The following PCDHAC1 variants were observed in gnomAD, a reference collection of about 807,000 sequenced individuals.
PCDHAC1 encodes protocadherin alpha subfamily C, 1.
PCDHAC1 carries 42 observed loss-of-function variants against 60.0 expected under a neutral mutation model. That is an observed-to-expected ratio of 0.70 (90% CI 0.55 to 0.90). The LOEUF (loss-of-function observed/expected upper bound fraction) is 0.90. Ranked by LOEUF, PCDHAC1 falls within the 40% of genes least tolerant of loss-of-function variation. The pLI, the probability that PCDHAC1 is intolerant of heterozygous loss-of-function variation, is 0.00. For synonymous variants in PCDHAC1, 468 were observed against 499.3 expected (o/e 0.94, Z 0.84); for missense variants, 1,160 against 1,222.3 (o/e 0.95, Z 0.76).
chr5:140,981,726 T>C (rs1554243283), intron 2 of PCDHAC1, among the ~76,000 whole-genome samples: 1 of 151,710 alleles, frequency 6.6e-6, no homozygotes, highest in Non-Finnish European at 1.5e-5. Context: ...CCAACAAATA[T>C]TTGAGAGATT....
At chr5:140,981,859 C>A (rs2096954450) in intron 2 of PCDHAC1, among the ~76,000 whole-genome samples, 1 of 152,118 alleles carries the variant, frequency 6.6e-6, no homozygotes, top group African/African-American at 2.4e-5. Flanking sequence ...TCACTCCCAG[C>A]AATGTTTTAT....
At position 141,009,698 on chromosome 5, in the gene PCDHAC1, G is replaced by A. The variant is rs900919931; in HGVS notation, c.2653G>A (p.Gly885Arg). The part of the protein sequence containing the change: ...VNSNSWTFKY[G>R]PGNPKQSGPG... Reference sequence around the variant, plus strand: ...CAGCAACAGCTGGACCTTTAAATACGGACCAGGCAACCCCAAACAATCCGG... The same window carrying A: ...CAGCAACAGCTGGACCTTTAAATACAGACCAGGCAACCCCAAACAATCCGG... The change falls in exon 4 of 4, where the codon GGA (glycine) becomes AGA (arginine). Residue 885 changes from glycine (G) to arginine (R), a missense_variant. Physicochemically the swap from Gly to Arg is moderately radical, Grantham distance 125. Transcript: ENST00000253807. The A allele has an allele frequency of 1.9e-6, 3 of 1,614,030 alleles. No homozygotes were observed. The highest frequency in any genetic ancestry group is 1.1e-5 in the South Asian group (1 of 91,066).
At chr5:140,961,113 C>T (rs2095591220) in intron 1 of PCDHAC1, among the ~76,000 whole-genome samples, 1 of 152,190 alleles carries the variant, frequency 6.6e-6, no homozygotes, top group Non-Finnish European at 1.5e-5. Context: ...AACCCCCTTG[C>T]ATCTTAATGT....
At chr5:140,998,211 T>C (rs2097801578) in intron 3 of PCDHAC1, among the ~76,000 whole-genome samples, 1 of 152,226 alleles carries the variant, frequency 6.6e-6, no homozygotes. Context: ...TTAATCTGTA[T>C]AACCACACCC....
chr5:140,937,869 G>C (rs1268422806), intron 1 of PCDHAC1, among the ~76,000 whole-genome samples: 1 of 150,376 alleles, frequency 6.6e-6, no homozygotes, highest in South Asian at 2.1e-4. Context: ...CCGAGATCGC[G>C]CCACTGCACT....
chr5:140,975,139 C>G (rs2096655397), intron 1 of PCDHAC1, among the ~76,000 whole-genome samples: 1 of 152,154 alleles, frequency 6.6e-6, no homozygotes, highest in Non-Finnish European at 1.5e-5. Flanking sequence ...GGCCTGGGGT[C>G]ACTCTCAGTT....
chr5:140,942,840 T>C (rs75984395), intron 1 of PCDHAC1, among the ~76,000 whole-genome samples: 6,117 of 152,206 alleles, frequency 0.04, 136 homozygotes, highest in Non-Finnish European at 0.052. Context: ...CAATAAAAAT[T>C]CCAGTAAGAT....
At chr5:140,949,222 G>T (rs1472220330) in intron 1 of PCDHAC1, among the ~76,000 whole-genome samples, 1 of 151,662 alleles carries the variant, frequency 6.6e-6, no homozygotes, top group Non-Finnish European at 1.5e-5. Flanking sequence ...GTTTAGACTT[G>T]TTCTGTGGCC....
intron 2 of PCDHAC1, among the ~76,000 whole-genome samples, chr5:140,981,575 A>G (rs2096938835): frequency 1.3e-5 from 2 of 152,152 alleles, no homozygotes; most frequent in African/African-American, 4.8e-5. Flanking sequence ...CTTTGTCTCA[A>G]AAATAAATAA....
intron 1 of PCDHAC1, among the ~76,000 whole-genome samples, chr5:140,960,351 T>C (rs1268803425): frequency 3.3e-5 from 5 of 152,192 alleles, no homozygotes; most frequent in African/African-American, 7.2e-5. Flanking sequence ...AGATATGTAC[T>C]GAAATAATAT....
chr5:140,991,707 A>G (rs1436655429), intron 3 of PCDHAC1, among the ~76,000 whole-genome samples: 1 of 152,158 alleles, frequency 6.6e-6, no homozygotes, highest in Non-Finnish European at 1.5e-5. Flanking sequence ...TAATATGCAT[A>G]TTGCTACTAG....
rs782328874 is a variant in PCDHAC1, at chr5:141,009,755, C to G, written c.2710C>G (p.Pro904Ala). The G allele has an allele frequency of 6.2e-7, 1 of 1,614,002 alleles. No homozygotes were observed. Among genetic ancestry groups the G allele is most frequent in the African/African-American group, 1.3e-5 (1 of 74,894 alleles). ...TGAGTTGCCCGACAAATTCATTATC[C>G]CAGGATCTCCTGCAATCATCTCCAT... ...PGELPDKFII[P>A]GSPAIISIRQ... Residue 904 changes from proline (P) to alanine (A), a missense_variant, in exon 4 of 4, where the codon CCA becomes GCA. Physicochemically the swap from Pro to Ala is conservative, Grantham distance 27. Coordinates refer to ENST00000253807, the MANE Select transcript of PCDHAC1 (RefSeq NM_018898.5).
rs2098422397 is a variant in PCDHAC1 at position 141,011,934 on chromosome 5, T to C, written c.*1997T>C. The C allele has an allele frequency of 6.5e-6, 1 of 153,836 alleles. No homozygotes were observed. The highest frequency in any genetic ancestry group is 6.5e-5 in the Admixed American group (1 of 15,306). The allele number at this position is 153,836 out of a possible 1,614,324, so 9.5% of individuals were successfully genotyped here. On this transcript the variant is annotated 3_prime_UTR_variant, in exon 4 of 4. Transcript: ENST00000253807. ...TAATATAAAAGAGGTAGGAGTCTGT[T>C]ATTTAAAAAAAGCATTAAATTTAAA...
rs1428283255 is a variant in PCDHAC1, at chr5:140,927,556, A to G, written c.664A>G (p.Ile222Val). 15 of 1,614,022 alleles carry G rather than the reference A, an allele frequency of 9.3e-6. No homozygotes were observed. Among genetic ancestry groups the G allele is most frequent in the African/African-American group, 1.3e-5 (1 of 74,934 alleles). ...CTCAGGAGACGCACAAGTCACCATC[A>G]TTGTGGTGGACACAAATGACAACGC... ...ARSGDAQVTI[I>V]VVDTNDNAPV... is the part of the protein sequence containing the mutation. The change falls in exon 1 of 4, where the codon ATT becomes GTT. Residue 222 changes from isoleucine to valine, a missense_variant. Around this residue, in one of 3 missense-constraint regions of PCDHAC1, gnomAD observed 1,113 missense variants for 1,163.7 expected, o/e 0.96. Transcript: ENST00000253807.
chr5:140,929,167 T>G lies in PCDHAC1; in HGVS notation c.2275T>G (p.Ser759Ala), dbSNP rs781804558. The G allele has an allele frequency of 1.2e-6, 2 of 1,614,144 alleles. No individual in the cohort carries two copies. The highest frequency in any genetic ancestry group is 1.7e-6 in the Non-Finnish European group (2 of 1,180,012). The part of the protein sequence containing the change: ...RLSQTYLYRA[S>A]LGLGSDNNSL... The stretch of plus-strand genomic sequence containing the variant: ...TTCTCAGACTTATCTCTATCGGGCC[T>G]CTCTGGGACTTGGTTCTGATAATAA... Residue 759 changes from serine to alanine, a missense_variant, in exon 1 of 4, where the codon TCT becomes GCT. By Grantham distance (99) the Ser-to-Ala change is moderately conservative. Transcript: ENST00000253807.
chr5:140,946,609 G>GAA, intron 1 of PCDHAC1, among the ~76,000 whole-genome samples: 1 of 68,674 alleles, frequency 1.5e-5, no homozygotes, highest in Non-Finnish European at 2.7e-5. Flanking sequence ...AAGAAAATGT[G>GAA]AAATATATAT....
intron 3 of PCDHAC1, among the ~76,000 whole-genome samples, chr5:141,006,790 T>A (rs1318848521): frequency 6.6e-6 from 1 of 152,130 alleles, no homozygotes; most frequent in African/African-American, 2.4e-5. Context: ...AATAATTAGC[T>A]TTGAACTTTC....
In PCDHAC1 at chr5:140,928,865, A is replaced by G; in HGVS notation, c.1973A>G (p.Asn658Ser). The G allele has an allele frequency of 6.2e-7, 1 of 1,614,072 alleles. No homozygotes were observed. The highest frequency in any genetic ancestry group is 8.5e-7 in the Non-Finnish European group (1 of 1,180,006). ...GTCACTCTGGGTGTGCTGTTGAGCA[A>G]CTCTGTCCCTCAGTTACTTCCAGAC... ...SSVTLGVLLS[N>S]SVPQLLPDFE... The change falls in exon 1 of 4, where the codon AAC (asparagine) becomes AGC (serine). Residue 658 changes from asparagine to serine, a missense_variant. Around this residue, in one of 3 missense-constraint regions of PCDHAC1, gnomAD observed 1,113 missense variants for 1,163.7 expected, o/e 0.96. Transcript: ENST00000253807.
At chr5:140,983,588 C>T (rs530448589) in intron 3 of PCDHAC1, among the ~76,000 whole-genome samples, 2 of 152,270 alleles carry the variant, frequency 1.3e-5, no homozygotes, top group East Asian at 3.9e-4. Flanking sequence ...TACATCTATT[C>T]TACATATGAG....
Sources: gnomAD v4.1 joint callset for allele counts (sites outside exome capture counted in the v4.1 genomes callset) on GRCh38, gnomAD v4.1.1 for gene constraint, gnomAD v4.1.1 regional missense constraint, MANE v1.5 for transcripts, NCBI Gene and HGNC (gene_info 2026-07-23, HGNC 2026-07-21) for gene names.